Variants in SLC12A1 observed in about 807,000 individuals in gnomAD.
SLC12A1 encodes the protein solute carrier family 12 member 1.
In SLC12A1, 89 loss-of-function variants were observed where a neutral mutation model predicts 130.4. The ratio of observed to expected loss-of-function variants is 0.68; its 90% CI spans 0.58 to 0.81. The LOEUF is 0.81. SLC12A1 is among the 40% of genes least tolerant of loss of function. SLC12A1 has a pLI of 0.00. For missense variants in SLC12A1, 1,310 were observed against 1,336.4 expected (o/e 0.98, Z 0.31); for synonymous variants, 499 against 460.0 (o/e 1.08, Z -1.09).
At chr15:48,227,280 G>A (rs2041302473) in intron 5 of SLC12A1, 2 of 873,822 alleles carry the variant, frequency 2.3e-6, no homozygotes, top group Non-Finnish European at 3.6e-6. Flanking sequence ...AGTCCCCAGT[G>A]TCCTAAACAA....
chr15:48,222,164 C>A (rs886487103), intron 4 of SLC12A1, among the ~76,000 whole-genome samples: 2 of 152,112 alleles, frequency 1.3e-5, no homozygotes, highest in African/African-American at 4.8e-5. Context: ...CTTAATATTG[C>A]CAAGGTTTTG....
intron 2 of SLC12A1, among the ~76,000 whole-genome samples, chr15:48,208,829 T>TGAC (rs1287802583): frequency 1.3e-5 from 2 of 152,186 alleles, no homozygotes; most frequent in African/African-American, 2.4e-5. Context: ...ATACTGTGGG[T>TGAC]GACAGCCTTT....
At chr15:48,239,098 G>T (rs982208561) in intron 9 of SLC12A1, among the ~76,000 whole-genome samples, 1 of 152,212 alleles carries the variant, frequency 6.6e-6, no homozygotes, top group Admixed American at 6.5e-5. Context: ...CATTTCAAGT[G>T]AAAACCAATA....
intron 17 of SLC12A1, among the ~76,000 whole-genome samples, chr15:48,262,269 G>A (rs2041782990): frequency 1.3e-5 from 2 of 152,112 alleles, no homozygotes; most frequent in African/African-American, 4.8e-5. Context: ...CTGGTGGCCT[G>A]CAGCTATTGA....
Position 48,241,499 on chromosome 15 carries a change from C to T in SLC12A1, c.1216-16C>T. The T allele has an allele frequency of 1.3e-6, 2 of 1,583,664 alleles. No individual in the cohort carries two copies. The highest frequency in any genetic ancestry group is 4.5e-5 in the East Asian group (2 of 44,720). ...TCTGCTCTGTATTCTTCTACCTCCA[C>T]ATTATTTTTTTAAAGGATCCCCAAG... On this transcript the variant is annotated splice_polypyrimidine_tract_variant and intron_variant, in intron 9 of 26. Transcript: ENST00000380993.
chr15:48,217,545 C>T (rs1275382452), intron 2 of SLC12A1, among the ~76,000 whole-genome samples: 2 of 152,156 alleles, frequency 1.3e-5, no homozygotes, highest in Non-Finnish European at 2.9e-5. Context: ...TTATTAACTT[C>T]AATCTCCTCT....
intron 5 of SLC12A1, chr15:48,228,290 A>G (rs1208229078): frequency 1.3e-5 from 2 of 152,530 alleles, no homozygotes; most frequent in East Asian, 1.9e-4. Context: ...TAATAGAACT[A>G]TTTTTTCAAT....
intron 23 of SLC12A1, 45 bp downstream of exon 23, chr15:48,288,561 TTGCTTTAA>T (rs1324838554): frequency 2.2e-6 from 2 of 902,842 alleles, no homozygotes; most frequent in Non-Finnish European, 3.6e-6. Flanking sequence ...CAGAGGTTTG[TTGCTTTAA>T]TGCTTTAATT....
intron 14 of SLC12A1, among the ~76,000 whole-genome samples, chr15:48,250,965 C>G (rs2041641607): frequency 6.6e-6 from 1 of 152,148 alleles, no homozygotes; most frequent in Non-Finnish European, 1.5e-5. Flanking sequence ...AACTCCCACG[C>G]ACGTGCGCAC....
intron 17 of SLC12A1, among the ~76,000 whole-genome samples, chr15:48,263,891 C>T (rs1189537502): frequency 1.3e-5 from 2 of 152,046 alleles, no homozygotes; most frequent in African/African-American, 2.4e-5. Flanking sequence ...CAGGGTTTTG[C>T]CATGTTGCCC....
At chr15:48,286,288 T>C (rs2042058749) in intron 21 of SLC12A1, among the ~76,000 whole-genome samples, 1 of 152,214 alleles carries the variant, frequency 6.6e-6, no homozygotes, top group South Asian at 2.1e-4. Flanking sequence ...CTGGCTACTG[T>C]CGAGCTCCTG....
intron 23 of SLC12A1, 55 bp downstream of exon 23, chr15:48,288,571 G>C: frequency 1.2e-6 from 1 of 841,566 alleles, no homozygotes; most frequent in Non-Finnish European, 2.0e-6. Flanking sequence ...TTGCTTTAAT[G>C]CTTTAATTTT....
intron 25 of SLC12A1, among the ~76,000 whole-genome samples, chr15:48,300,351 T>C (rs1260101043): frequency 6.6e-6 from 1 of 150,560 alleles, no homozygotes. Flanking sequence ...GAGAGAGAAA[T>C]CTTAGGATAA....
intron 13 of SLC12A1, 119 bp from the exon 14 acceptor site, chr15:48,249,456 T>A (rs1272939537): frequency 1.0e-5 from 8 of 786,724 alleles, no homozygotes; most frequent in Non-Finnish European, 1.8e-5. Context: ...TCTTAAACTT[T>A]GACAGATGCT....
intron 20 of SLC12A1, among the ~76,000 whole-genome samples, chr15:48,276,218 T>C (rs1242822797): frequency 6.6e-6 from 1 of 152,150 alleles, no homozygotes; most frequent in Non-Finnish European, 1.5e-5. Flanking sequence ...TGGCTCAATT[T>C]CAAACAATCT....
intron 12 of SLC12A1, 106 bp downstream of exon 12, chr15:48,247,122 T>C (rs2041592056): frequency 9.4e-7 from 1 of 1,067,164 alleles, no homozygotes; most frequent in Non-Finnish European, 1.4e-6. Context: ...CATCATTTTC[T>C]GAAACAGTTA....
chr15:48,250,467 A>G (rs998170732), intron 14 of SLC12A1, among the ~76,000 whole-genome samples: 3 of 152,224 alleles, frequency 2.0e-5, no homozygotes, highest in African/African-American at 7.2e-5. Flanking sequence ...AAAGTAGCAG[A>G]GTATTTTTGT....
At chr15:48,219,512 T>C (rs1282832042) in intron 2 of SLC12A1, among the ~76,000 whole-genome samples, 1 of 150,624 alleles carries the variant, frequency 6.6e-6, no homozygotes, top group Non-Finnish European at 1.5e-5. Flanking sequence ...GCCGAGTTCA[T>C]ACCACTGCAT....
intron 2 of SLC12A1, among the ~76,000 whole-genome samples, chr15:48,219,157 C>A (rs1410575577): frequency 6.6e-6 from 1 of 152,194 alleles, no homozygotes; most frequent in Non-Finnish European, 1.5e-5. Context: ...ATAACGGAAT[C>A]TCAAAGAAAC....
Sources: allele counts gnomAD v4.1 joint callset (sites outside exome capture counted in the v4.1 genomes callset), GRCh38; gene constraint gnomAD v4.1.1; transcripts MANE v1.5; gene names NCBI Gene and HGNC (gene_info 2026-07-23, HGNC 2026-07-21).